Variants in TFCP2L1 observed in about 807,000 individuals in gnomAD.
The protein encoded by TFCP2L1 is transcription factor CP2 like 1.
In TFCP2L1, 12 loss-of-function variants were observed where a neutral mutation model predicts 72.2. The observed-to-expected ratio is 0.17, with a 90% CI of 0.11 to 0.27. The LOEUF is 0.27. Ranked by LOEUF, TFCP2L1 falls within the 10% of genes least tolerant of loss-of-function variation. The pLI is 1.00. For synonymous variants in TFCP2L1, 260 were observed against 251.0 expected, an observed-to-expected ratio of 1.04 and a Z score of -0.34; for missense variants, 488 against 624.6, an observed-to-expected ratio of 0.78 and a Z score of 2.33.
intron 2 of TFCP2L1, among the ~76,000 whole-genome samples, chr2:121,257,213 C>T (rs1276813151): frequency 6.6e-6 from 1 of 152,128 alleles, no homozygotes; most frequent in Non-Finnish European, 1.5e-5. Context: ...GCTGGGGAGG[C>T]ACAGTGACAG....
intron 2 of TFCP2L1, among the ~76,000 whole-genome samples, chr2:121,271,822 G>A (rs1457315533): frequency 1.3e-5 from 2 of 152,176 alleles, no homozygotes; most frequent in Non-Finnish European, 2.9e-5. Context: ...GGTTCTAGGA[G>A]CAGGGAAGAC....
rs1488082461 is a variant in TFCP2L1, at chr2:121,223,741, G to A, written c.*600C>T. On this transcript the variant is annotated 3_prime_UTR_variant, in exon 15 of 15. Coordinates refer to ENST00000263707, the MANE Select transcript of TFCP2L1 (RefSeq NM_014553.3). ...CCTTAGAAACAACGTAGAGAAGAAA[G>A]AGGTAGAAGGCACAGAATAGCCCCA... The A allele has an allele frequency of 6.4e-6, 1 of 155,194 alleles. No individual in the cohort carries two copies. Among genetic ancestry groups the A allele is most frequent in the Non-Finnish European group, 1.4e-5 (1 of 69,522 alleles). 9.6% of individuals were successfully genotyped at this position (155,194 alleles called of 1,614,324 possible).
At position 121,261,277 on chromosome 2, in the gene TFCP2L1, G is replaced by C. The variant is rs2104730324; in HGVS notation, c.215-11630C>G. Reference sequence around the variant, plus strand: ...AGGCTAGGCATCATGTCTGGCGTAAGATGAATCCAAGTAAACACTTGGAAG... The same window carrying C: ...AGGCTAGGCATCATGTCTGGCGTAACATGAATCCAAGTAAACACTTGGAAG... On this transcript the variant is annotated intron_variant, in intron 2 of 14. Transcript: ENST00000263707. Among the ~76,000 whole-genome samples the C allele has an allele frequency of 2.0e-5, 3 of 152,332 alleles. No homozygotes were observed. In the South Asian group the frequency reaches 6.2e-4, roughly 32 times the overall value.
chr2:121,237,884 G>A, intron 8 of TFCP2L1, 34 bp from the exon 9 acceptor site: 1 of 1,612,354 alleles, frequency 6.2e-7, no homozygotes, highest in Non-Finnish European at 8.5e-7. Context: ...TGAGGACAGA[G>A]GGGGCTCCCA....
rs984805449 is a variant in TFCP2L1, at chr2:121,220,720, T to C, written c.*3621A>G. 4 of 152,234 alleles carry C rather than the reference T, an allele frequency of 2.6e-5. No homozygotes were observed. The highest frequency in any genetic ancestry group is 2.0e-4 in the Admixed American group (3 of 15,290). 9.4% of individuals were successfully genotyped at this position (152,234 alleles called of 1,614,324 possible). A position where few individuals can be genotyped will look rare whatever the true frequency, so the allele number is the denominator to read the frequency against. On this transcript the variant is annotated 3_prime_UTR_variant, in exon 15 of 15. Transcript: ENST00000263707. ...GGGCTATGGCTTTTCTGTATGTCAATCAAATGAAAAATAAAACCTGGAGCT... is the reference window on the plus strand; with the variant it reads ...GGGCTATGGCTTTTCTGTATGTCAACCAAATGAAAAATAAAACCTGGAGCT...
At position 121,218,909 on chromosome 2, in the gene TFCP2L1, C is replaced by A. The variant is rs957149601; in HGVS notation, c.*5432G>T. ...CAGGAGCTCTCAGGGTGCCCCTGGG[C>A]AGGTCCCAAGGAGGCCTGGGGTGCC... On this transcript the variant is annotated 3_prime_UTR_variant, in exon 15 of 15. Coordinates refer to ENST00000263707, the MANE Select transcript of TFCP2L1 (RefSeq NM_014553.3). 1.3e-5 allele frequency: 2 copies of A among 152,204 alleles called. No individual in the cohort carries two copies. The highest frequency in any genetic ancestry group is 1.9e-4 in the East Asian group (1 of 5,160). The allele number at this position is 152,204 out of a possible 1,614,324, so 9.4% of individuals were successfully genotyped here.
chr2:121,245,482 T>A (rs1686462057), intron 6 of TFCP2L1, among the ~76,000 whole-genome samples: 2 of 152,176 alleles, frequency 1.3e-5, no homozygotes, highest in Admixed American at 1.3e-4. Flanking sequence ...AGGCCACTGC[T>A]CTGCCAGGAA....
intron 2 of TFCP2L1, 137 bp from the exon 3 acceptor site, chr2:121,249,784 C>A: frequency 1.2e-6 from 1 of 800,454 alleles, no homozygotes; most frequent in Non-Finnish European, 2.0e-6. Context: ...AGAAGAAAAC[C>A]CACGACCAGC....
intron 2 of TFCP2L1, among the ~76,000 whole-genome samples, chr2:121,276,771 A>G (rs1201026549): frequency 6.6e-6 from 1 of 152,180 alleles, no homozygotes; most frequent in Non-Finnish European, 1.5e-5. Context: ...ATAAATTCCA[A>G]ATGCATTTCA....
intron 2 of TFCP2L1, among the ~76,000 whole-genome samples, chr2:121,272,650 G>A (rs983963242): frequency 4.6e-5 from 7 of 152,136 alleles, no homozygotes; most frequent in African/African-American, 9.7e-5. Context: ...GTCTCAACTC[G>A]ATGACCTTGT....
intron 2 of TFCP2L1, among the ~76,000 whole-genome samples, chr2:121,266,262 C>A (rs966392999): frequency 6.6e-6 from 1 of 151,968 alleles, no homozygotes; most frequent in African/African-American, 2.4e-5. Flanking sequence ...GTCTTCCCAT[C>A]TCTGACCTTC....
chr2:121,249,055 C>A lies in TFCP2L1; in HGVS notation c.324G>T (p.Arg108=). The change falls in exon 4 of 15, where the codon CGG becomes CGT. Residue 108 remains arginine (R), a synonymous_variant. Transcript: ENST00000263707. ...GCTGCTGGTGCTCCGTATACTGCAG[C>A]CGGCGGTCATGGAAGACCACACGGA... ...SIIRVVFHDR[R]LQYTEHQQLE... The A allele has an allele frequency of 6.2e-7, 1 of 1,600,178 alleles. No homozygotes were observed. Among genetic ancestry groups the A allele is most frequent in the Admixed American group, 1.7e-5 (1 of 58,558 alleles).
At chr2:121,277,620 T>C (rs1160303041) in intron 2 of TFCP2L1, among the ~76,000 whole-genome samples, 2 of 152,250 alleles carry the variant, frequency 1.3e-5, no homozygotes, top group South Asian at 2.1e-4. Context: ...ATCATAATAG[T>C]ATTTAATTTC....
intron 2 of TFCP2L1, among the ~76,000 whole-genome samples, chr2:121,254,811 A>C (rs1311869625): frequency 6.6e-6 from 1 of 152,098 alleles, no homozygotes; most frequent in East Asian, 1.9e-4. Flanking sequence ...TCAAAAAAAA[A>C]AAAAAGGAAG....
intron 2 of TFCP2L1, among the ~76,000 whole-genome samples, chr2:121,278,791 G>A (rs1687198832): frequency 6.7e-6 from 1 of 149,726 alleles, no homozygotes; most frequent in South Asian, 2.1e-4. Context: ...ATCACTTGAG[G>A]CCAGGAGTTC....
chr2:121,224,421 G>GA (rs765559267), intron 14 of TFCP2L1, 34 bp from the exon 15 acceptor site: 3 of 1,608,296 alleles, frequency 1.9e-6, no homozygotes, highest in South Asian at 2.2e-5. Flanking sequence ...TATTTCACAG[G>GA]AAAAAAGGTG....
intron 2 of TFCP2L1, among the ~76,000 whole-genome samples, chr2:121,271,597 C>A (rs1162227111): frequency 6.6e-6 from 1 of 152,174 alleles, no homozygotes; most frequent in Non-Finnish European, 1.5e-5. Flanking sequence ...AATAACTAAT[C>A]CTTTGCCTCA....
intron 10 of TFCP2L1, among the ~76,000 whole-genome samples, chr2:121,236,453 T>G (rs1286301760): frequency 6.6e-6 from 1 of 152,108 alleles, no homozygotes; most frequent in African/African-American, 2.4e-5. Flanking sequence ...TGCCCCTTCC[T>G]CAAAGCCCAA....
intron 1 of TFCP2L1, among the ~76,000 whole-genome samples, chr2:121,284,385 G>A (rs1337435067): frequency 6.6e-6 from 1 of 152,188 alleles, no homozygotes; most frequent in Non-Finnish European, 1.5e-5. Flanking sequence ...TGCTAAGAGG[G>A]GCCTGTGGGG....
Sources: allele counts gnomAD v4.1 joint callset (sites outside exome capture counted in the v4.1 genomes callset), GRCh38; gene constraint gnomAD v4.1.1; transcripts MANE v1.5; gene names NCBI Gene and HGNC (gene_info 2026-07-23, HGNC 2026-07-21).